Variants in CCZ1B observed in about 807,000 individuals in gnomAD.
CCZ1B encodes the protein vacuolar fusion protein CCZ1 homolog B.
In CCZ1B, 25 loss-of-function variants were observed where a neutral mutation model predicts 58.8. The observed-to-expected ratio is 0.43, with a 90% CI of 0.31 to 0.59. The LOEUF (loss-of-function observed/expected upper bound fraction) is 0.59. CCZ1B is among the 20% of genes least tolerant of loss of function. CCZ1B has a pLI of 0.12. For missense variants in CCZ1B, 180 were observed against 501.5 expected, an observed-to-expected ratio of 0.36 and a Z score of 6.12; for synonymous variants, 66 against 173.2, an observed-to-expected ratio of 0.38 and a Z score of 4.86.
chr7:6,810,323 C>T (rs1288262485), intron 10 of CCZ1B, among the ~76,000 whole-genome samples: 1 of 148,268 alleles, frequency 6.7e-6, no homozygotes, highest in Non-Finnish European at 1.5e-5. Flanking sequence ...TAATGTCTTT[C>T]TTTTGTCTTA....
intron 6 of CCZ1B, among the ~76,000 whole-genome samples, chr7:6,821,383 C>A (rs62442263): frequency 1.5e-5 from 2 of 134,912 alleles, no homozygotes; most frequent in South Asian, 2.4e-4. Context: ...CATATGTTGA[C>A]GGGTAAGAGA....
intron 7 of CCZ1B, among the ~76,000 whole-genome samples, chr7:6,818,659 A>AAGAC (rs1162318991): frequency 8.0e-6 from 1 of 124,778 alleles, no homozygotes; most frequent in African/African-American, 3.3e-5. Flanking sequence ...GACAGAAAGA[A>AAGAC]AGACAGACAG....
At chr7:6,817,737 G>A (rs1292744437) in intron 7 of CCZ1B, among the ~76,000 whole-genome samples, 1 of 149,796 alleles carries the variant, frequency 6.7e-6, no homozygotes, top group South Asian at 2.1e-4. Context: ...GGTGGAGGCC[G>A]GGCACAGTGG....
At chr7:6,818,651 C>CA (rs374590837) in intron 7 of CCZ1B, among the ~76,000 whole-genome samples, 146 of 123,154 alleles carry the variant, frequency 1.2e-3, no homozygotes, top group Middle Eastern at 4.2e-3. Context: ...GAAAGAAAGA[C>CA]AGAAAGAAAG....
Position 6,818,663 on chromosome 7 carries a change from C to CA in CCZ1B, c.698+1102dup, listed in dbSNP as rs1473357187. Among the ~76,000 whole-genome samples, 26 of 76,660 alleles carry CA rather than the reference C, an allele frequency of 3.4e-4. 1 individual carries two copies. Among genetic ancestry groups the CA allele is most frequent in the African/African-American group, 5.7e-4 (13 of 22,944 alleles). 50.3% of individuals were successfully genotyped at this position (76,660 alleles called of 152,430 possible). A position where few individuals can be genotyped will look rare whatever the true frequency, so the allele number is the denominator to read the frequency against. ...AAAGAAAGAAAGACAGAAAGAAAGA[C>CA]AGACAGAAAGAAAGAAAGAAAGAAA... On this transcript the variant is annotated intron_variant, in intron 7 of 14. Coordinates refer to ENST00000316731, the MANE Select transcript of CCZ1B (RefSeq NM_198097.5).
chr7:6,818,459 G>A, intron 7 of CCZ1B, among the ~76,000 whole-genome samples: 1 of 149,424 alleles, frequency 6.7e-6, no homozygotes, highest in Admixed American at 6.7e-5. Flanking sequence ...TGAGGCAGGA[G>A]AATCGCTTGA....
At position 6,819,902 on chromosome 7, in the gene CCZ1B, C is replaced by T. The variant is rs1783080617; in HGVS notation, c.562G>A (p.Asp188Asn). 1.0e-5 allele frequency: 16 copies of T among 1,603,462 alleles called. No homozygotes were observed. In the East Asian group the frequency reaches 3.6e-4, roughly 36 times the overall value. ...TLHLQSCDLL[D>N]IFGGISFFPL... ...AAGAAGCTGATTCCACCAAAAATGT[C>T]AAGTAGGTCACATGACTGCAAATGT... is the stretch of plus-strand genomic sequence containing the variant. Residue 188 changes from aspartate to asparagine, a missense_variant, in exon 7 of 15, where the codon GAC becomes AAC. Physicochemically the swap from Asp to Asn is conservative, Grantham distance 23. Transcript: ENST00000316731.
At chr7:6,810,950 G>A (rs1782908520) in intron 10 of CCZ1B, among the ~76,000 whole-genome samples, 2 of 150,504 alleles carry the variant, frequency 1.3e-5, no homozygotes, top group South Asian at 4.2e-4. Flanking sequence ...CTGGAAGAAA[G>A]AAATGCCAGA....
chr7:6,819,776 G>C lies in CCZ1B; in HGVS notation c.688C>G (p.Gln230Glu), dbSNP rs770952064. 6 of 1,525,134 alleles carry C rather than the reference G, an allele frequency of 3.9e-6. No individual in the cohort carries two copies. The highest frequency in any genetic ancestry group is 1.2e-5 in the South Asian group (1 of 85,666). 94.5% of individuals were successfully genotyped at this position (1,525,134 alleles called of 1,614,324 possible). The change falls in exon 7 of 15, where the codon CAG (glutamine) becomes GAG (glutamate). Residue 230 changes from glutamine (Q) to glutamate (E), a missense_variant. Gln to Glu is a conservative substitution (Grantham distance 29). Coordinates refer to ENST00000316731, the MANE Select transcript of CCZ1B (RefSeq NM_198097.5). Reference protein sequence around the residue: ...VKYTAFLYNDQLIWSGLEQDD... With the variant: ...VKYTAFLYNDELIWSGLEQDD... ...TCGGGGTGTACCTACCAGATGAGCTGATCGTTATAGAGAAAAGCAGTGTAT... is the reference window on the plus strand; with the variant it reads ...TCGGGGTGTACCTACCAGATGAGCTCATCGTTATAGAGAAAAGCAGTGTAT...
chr7:6,804,045 G>A (rs1038141464), intron 12 of CCZ1B, among the ~76,000 whole-genome samples: 1 of 150,206 alleles, frequency 6.7e-6, no homozygotes, highest in Admixed American at 6.7e-5. Context: ...AATGTGTAGA[G>A]AGCCCATTTA....
At chr7:6,818,639 A>T (rs542397590) in intron 7 of CCZ1B, among the ~76,000 whole-genome samples, 1 of 141,260 alleles carries the variant, frequency 7.1e-6, no homozygotes, top group Non-Finnish European at 1.5e-5. Flanking sequence ...AAAGACAAGA[A>T]AGAAAGAAAG....
At chr7:6,820,476 CA>C (rs747114852) in intron 6 of CCZ1B, among the ~76,000 whole-genome samples, 59 of 147,602 alleles carry the variant, frequency 4.0e-4, no homozygotes, top group East Asian at 7.8e-4. Context: ...CACGCCTGGC[CA>C]AAAATTTTTT....
intron 9 of CCZ1B, 103 bp downstream of exon 9, chr7:6,812,873 G>A (rs1562428957): frequency 6.5e-7 from 1 of 1,545,686 alleles, no homozygotes. Flanking sequence ...GTTGCAGTGA[G>A]CGGAGATCTT....
chr7:6,823,336 G>A lies in CCZ1B; in HGVS notation c.415C>T (p.Arg139Trp), dbSNP rs140768534. The change falls in exon 5 of 15, where the codon CGG becomes TGG. Residue 139 changes from arginine (R) to tryptophan (W), a missense_variant. Physicochemically the swap from Arg to Trp is moderately radical, Grantham distance 101. Coordinates refer to ENST00000316731, the MANE Select transcript of CCZ1B (RefSeq NM_198097.5). ...ACCTTGTACATGCTGTAGCACTGCC[G>A]CAGCACCGAGCTATAAACCTTGTCC... ...LLDKVYSSVL[R>W]QCYSMYKLFN... The A allele has an allele frequency of 5.3e-5, 85 of 1,607,470 alleles. No homozygotes were observed. The highest frequency in any genetic ancestry group is 1.2e-4 in the African/African-American group (9 of 72,130).
rs1258091552 is a variant in CCZ1B at position 6,800,873 on chromosome 7, A to AT, written c.1393+74dup. 6.0e-6 allele frequency: 3 copies of AT among 496,356 alleles called. No homozygotes were observed. The African/African-American group carries it at 8.0e-5, about 13-fold the overall frequency. 30.7% of individuals were successfully genotyped at this position (496,356 alleles called of 1,614,324 possible). A position where few individuals can be genotyped will look rare whatever the true frequency, so the allele number is the denominator to read the frequency against. On this transcript the variant is annotated intron_variant, in intron 14 of 14. Transcript: ENST00000316731. ...CAGTCATGATTTGTTCTATTTACCT[A>AT]TTTTTTAACCATGTTTCTTAATGCA...
intron 10 of CCZ1B, among the ~76,000 whole-genome samples, chr7:6,809,419 C>T (rs1252086880): frequency 1.4e-5 from 2 of 144,572 alleles, no homozygotes; most frequent in East Asian, 3.9e-4. Flanking sequence ...TCATCACACC[C>T]CACAATATGT....
At chr7:6,823,238 T>C in intron 5 of CCZ1B, 75 bp downstream of exon 5, 1 of 1,578,926 alleles carries the variant, frequency 6.3e-7, no homozygotes, top group East Asian at 2.2e-5. Flanking sequence ...TATAGACTTC[T>C]CTTTAAACAA....
chr7:6,819,986 A>G, intron 6 of CCZ1B, 45 bp from the exon 7 acceptor site: 1 of 1,500,588 alleles, frequency 6.7e-7, no homozygotes, highest in South Asian at 1.2e-5. Flanking sequence ...TAGTACACTG[A>G]ATATAATGCT....
intron 7 of CCZ1B, among the ~76,000 whole-genome samples, chr7:6,818,703 A>AC (rs879876794): frequency 0.053 from 5,903 of 111,104 alleles, 142 homozygotes; most frequent in East Asian, 0.2. Flanking sequence ...GACAAGAAAG[A>AC]AAGAAAGACA....
Sources: allele counts gnomAD v4.1 joint callset (sites outside exome capture counted in the v4.1 genomes callset), GRCh38; gene constraint gnomAD v4.1.1; transcripts MANE v1.5; gene names NCBI Gene and HGNC (gene_info 2026-07-23, HGNC 2026-07-21).